LRBA: variants seen among roughly 807,000 people sequenced by gnomAD.
The protein encoded by LRBA is LPS responsive beige-like anchor protein, also known as lipopolysaccharide-responsive and beige-like anchor protein.
A neutral mutation model predicts 330.0 loss-of-function variants in LRBA; 176 were observed. That is an observed-to-expected ratio of 0.53 (90% CI 0.47 to 0.60). The LOEUF (loss-of-function observed/expected upper bound fraction) is 0.60, where lower values mean the gene tolerates loss of function less well. Among genes scored for constraint, LRBA ranks in the 20% least tolerant of loss-of-function variants. LRBA has a pLI of 0.00. For synonymous variants in LRBA, 1,230 were observed against 1,193.0 expected, an observed-to-expected ratio of 1.03 and a Z score of -0.64; for missense variants, 3,259 against 3,444.8, an observed-to-expected ratio of 0.95 and a Z score of 1.35.
intron 37 of LRBA, among the ~76,000 whole-genome samples, chr4:150,675,197 C>CA (rs1043165184): frequency 4.6e-5 from 7 of 151,642 alleles, no homozygotes; most frequent in South Asian, 2.1e-4. Flanking sequence ...TAGCTCAAAA[C>CA]AAAAAAACAA....
intron 2 of LRBA, among the ~76,000 whole-genome samples, chr4:151,005,031 G>C (rs970789083): frequency 2.6e-5 from 4 of 152,006 alleles, no homozygotes; most frequent in Non-Finnish European, 4.4e-5. Flanking sequence ...GATAAGAAGT[G>C]GAGGAGAGGG....
chr4:150,279,081 C>T (rs1747178253), intron 55 of LRBA, among the ~76,000 whole-genome samples: 1 of 152,206 alleles, frequency 6.6e-6, no homozygotes, highest in African/African-American at 2.4e-5. Context: ...CGCTCGGACT[C>T]CCAAAGTGCT....
intron 47 of LRBA, among the ~76,000 whole-genome samples, chr4:150,404,437 G>A (rs767735758): frequency 1.1e-4 from 16 of 152,152 alleles, no homozygotes; most frequent in Admixed American, 2.0e-4. Flanking sequence ...GGGTAACGAT[G>A]CACGCTTTAG....
At chr4:150,400,202 T>A (rs1400756031) in intron 47 of LRBA, among the ~76,000 whole-genome samples, 1 of 152,194 alleles carries the variant, frequency 6.6e-6, no homozygotes, top group Admixed American at 6.5e-5. Flanking sequence ...GGGAAAGCTA[T>A]AAGTAACCAC....
In LRBA at chr4:150,265,008, G is replaced by T. The variant is rs1745128055; in HGVS notation, c.*714C>A. On this transcript the variant is annotated 3_prime_UTR_variant, in exon 57 of 57. Coordinates refer to ENST00000651943, the MANE Select transcript of LRBA (RefSeq NM_001364905.1). ...CATTTACTTTAAAAGAAAAACAAAT[G>T]TTGTGAGCTCAAGAGCATTTCCATC... is the stretch of plus-strand genomic sequence containing the variant. 1 of 152,652 alleles carries T rather than the reference G, an allele frequency of 6.6e-6. No individual in the cohort carries two copies. Among genetic ancestry groups the T allele is most frequent in the Non-Finnish European group, 1.5e-5 (1 of 68,062 alleles). 9.5% of individuals were successfully genotyped at this position (152,652 alleles called of 1,614,324 possible). A position where few individuals can be genotyped will look rare whatever the true frequency, so the allele number is the denominator to read the frequency against.
chr4:150,546,101 T>C (rs1765832828), intron 40 of LRBA, among the ~76,000 whole-genome samples: 1 of 152,132 alleles, frequency 6.6e-6, no homozygotes, highest in African/African-American at 2.4e-5. Context: ...AGAAGAAAGA[T>C]TTGTGTATTT....
intron 36 of LRBA, among the ~76,000 whole-genome samples, chr4:150,686,839 A>T (rs562037502): frequency 6.6e-6 from 1 of 152,266 alleles, no homozygotes; most frequent in Non-Finnish European, 1.5e-5. Context: ...TATTAATTTA[A>T]AATCAAATTA....
chr4:150,838,465 T>C (rs560678227), intron 28 of LRBA, among the ~76,000 whole-genome samples: 13 of 152,220 alleles, frequency 8.5e-5, no homozygotes, highest in Non-Finnish European at 1.5e-4. Context: ...CATAGTCCCA[T>C]ATTTCTTGGA....
At chr4:150,375,898 T>C (rs1165957373) in intron 47 of LRBA, among the ~76,000 whole-genome samples, 1 of 152,070 alleles carries the variant, frequency 6.6e-6, no homozygotes, top group East Asian at 1.9e-4. Context: ...TATTGCAGGG[T>C]GAAGTCATAA....
chr4:150,902,585 C>A (rs921607001), intron 13 of LRBA, among the ~76,000 whole-genome samples: 1 of 152,200 alleles, frequency 6.6e-6, no homozygotes, highest in South Asian at 2.1e-4. Context: ...CACCAAGCAA[C>A]CAATGGAAAC....
At chr4:150,351,831 A>G (rs1737229781) in intron 47 of LRBA, among the ~76,000 whole-genome samples, 1 of 152,244 alleles carries the variant, frequency 6.6e-6, no homozygotes, top group African/African-American at 2.4e-5. Context: ...TTTCCTATAC[A>G]TAAATACCTA....
intron 40 of LRBA, among the ~76,000 whole-genome samples, chr4:150,500,981 A>G (rs576660104): frequency 2.0e-5 from 3 of 152,326 alleles, no homozygotes; most frequent in South Asian, 4.1e-4. Flanking sequence ...TTATAAATGA[A>G]TAGTACAGAT....
chr4:150,852,254 G>C lies in LRBA; in HGVS notation c.3456C>G (p.Asp1152Glu). The C allele has an allele frequency of 5.6e-6, 9 of 1,614,008 alleles. No individual in the cohort carries two copies. The highest frequency in any genetic ancestry group is 7.6e-6 in the Non-Finnish European group (9 of 1,179,944). ...GTTTTCCTTCTTGAAATATTAATTT[G>C]TCATCATTACCAAACATGTCCAGTT... ...GEKLDMFGND[D>E]KLIFQEGKPV... The change falls in exon 23 of 57, where the codon GAC becomes GAG. Residue 1152 changes from aspartate to glutamate, a missense_variant. Asp to Glu is a conservative substitution (Grantham distance 45). Coordinates refer to ENST00000651943, the MANE Select transcript of LRBA (RefSeq NM_001364905.1).
intron 2 of LRBA, among the ~76,000 whole-genome samples, chr4:150,942,205 C>A (rs1459139599): frequency 6.6e-6 from 1 of 152,134 alleles, no homozygotes; most frequent in Non-Finnish European, 1.5e-5. Context: ...CCGAATACAA[C>A]AATATGGGTT....
intron 42 of LRBA, among the ~76,000 whole-genome samples, chr4:150,480,600 T>G (rs1255403076): frequency 6.6e-6 from 1 of 152,150 alleles, no homozygotes; most frequent in Non-Finnish European, 1.5e-5. Context: ...GCATCACATG[T>G]ACAGATGTAA....
chr4:150,353,934 C>A (rs1397243373), intron 47 of LRBA, among the ~76,000 whole-genome samples: 1 of 152,066 alleles, frequency 6.6e-6, no homozygotes, highest in Non-Finnish European at 1.5e-5. Context: ...CCTAAAAGAA[C>A]AAAGTGGTAA....
intron 42 of LRBA, among the ~76,000 whole-genome samples, chr4:150,481,971 A>T (rs1482586349): frequency 1.3e-5 from 2 of 152,140 alleles, no homozygotes; most frequent in Non-Finnish European, 2.9e-5. Flanking sequence ...GATATACATT[A>T]AGTTCCTAAC....
chr4:150,889,602 G>T (rs1729274968), intron 17 of LRBA, among the ~76,000 whole-genome samples: 1 of 152,128 alleles, frequency 6.6e-6, no homozygotes, highest in Non-Finnish European at 1.5e-5. Flanking sequence ...TGCATACGAG[G>T]TATCTAGGTT....
intron 37 of LRBA, among the ~76,000 whole-genome samples, chr4:150,671,037 TGTGTGAGAGA>T (rs1216053745): frequency 2.0e-5 from 3 of 147,068 alleles, no homozygotes; most frequent in East Asian, 2.0e-4. Context: ...TGTGTGTGTG[TGTGTGAGAGA>T]GAGAGAGAGA....
Sources: gnomAD v4.1 joint callset for allele counts (sites outside exome capture counted in the v4.1 genomes callset) on GRCh38, gnomAD v4.1.1 for gene constraint, MANE v1.5 for transcripts, NCBI Gene and HGNC (gene_info 2026-07-23, HGNC 2026-07-21) for gene names.